Variants in RFX7 observed in about 807,000 individuals in gnomAD.
RFX7 encodes DNA-binding protein RFX7.
RFX7 carries 26 observed loss-of-function variants against 111.8 expected under a neutral mutation model. That is an observed-to-expected ratio of 0.23 (90% confidence interval 0.17 to 0.32). The LOEUF (loss-of-function observed/expected upper bound fraction) is 0.32, where lower values mean the gene tolerates loss of function less well. RFX7 is among the 10% of genes least tolerant of loss of function. The pLI, the probability that RFX7 is intolerant of heterozygous loss-of-function variation, is 1.00. For synonymous variants in RFX7, 624 were observed against 624.4 expected (o/e 1.00, Z 0.01); for missense variants, 1,573 against 1,772.9 (o/e 0.89, Z 2.02).
chr15:56,149,237 G>A (rs888112518), intron 3 of RFX7, among the ~76,000 whole-genome samples: 1 of 152,192 alleles, frequency 6.6e-6, no homozygotes, highest in South Asian at 2.1e-4. Flanking sequence ...GGTCTTCAGT[G>A]ATTTCTGCTG....
chr15:56,191,711 A>G lies in RFX7; in HGVS notation c.162-12408T>C, dbSNP rs182637297. ...TGTGGGAAAAAAAAACCAGACAGAT[A>G]GTAATTATTACGATCTGTGGAACTG... is the stretch of plus-strand genomic sequence containing the variant. On this transcript the variant is annotated intron_variant, in intron 2 of 9. Coordinates refer to ENST00000559447, the MANE Select transcript of RFX7 (RefSeq NM_022841.7). 7.8e-4 allele frequency among the ~76,000 whole-genome samples: 119 copies of G among 152,290 alleles called. 3 individuals carry two copies. Among genetic ancestry groups the G allele is most frequent in the Admixed American group, 7.3e-3 (111 of 15,302 alleles).
At chr15:56,109,192 C>G (rs1041287119) in intron 5 of RFX7, among the ~76,000 whole-genome samples, 1 of 152,226 alleles carries the variant, frequency 6.6e-6, no homozygotes, top group African/African-American at 2.4e-5. Context: ...ATTGCAGGCG[C>G]GCGCCGCCAC....
At position 56,095,530 on chromosome 15, in the gene RFX7, T is replaced by C. The variant is rs778936563; in HGVS notation, c.2198A>G (p.Asn733Ser). ...ATCACTGATAACAAGGGCAGAGGAA[T>C]TCAAGGGTTGATTTGCTCCTATGTG... is the stretch of plus-strand genomic sequence containing the variant. ...SSHIGANQPL[N>S]SSALVISDSA... The change falls in exon 10 of 10, where the codon AAT becomes AGT. Residue 733 changes from asparagine (N) to serine (S), a missense_variant. Asn to Ser is a conservative substitution (Grantham distance 46, BLOSUM62 1). Transcript: ENST00000559447. 1.2e-6 allele frequency: 2 copies of C among 1,613,608 alleles called. No individual in the cohort carries two copies. Among genetic ancestry groups the C allele is most frequent in the Non-Finnish European group, 1.7e-6 (2 of 1,179,850 alleles).
At chr15:56,207,370 A>T (rs990629666) in intron 2 of RFX7, among the ~76,000 whole-genome samples, 26 of 152,162 alleles carry the variant, frequency 1.7e-4, no homozygotes, top group Admixed American at 3.9e-4. Context: ...GGCTACAATC[A>T]ATGTGACTGT....
At chr15:56,170,447 C>T (rs1323661339) in intron 3 of RFX7, among the ~76,000 whole-genome samples, 2 of 152,044 alleles carry the variant, frequency 1.3e-5, no homozygotes, top group African/African-American at 4.8e-5. Flanking sequence ...GGGGGACATC[C>T]TGTTTTGGAG....
At chr15:56,174,851 A>G (rs545614103) in intron 3 of RFX7, among the ~76,000 whole-genome samples, 112 of 152,024 alleles carry the variant, frequency 7.4e-4, no homozygotes, top group African/African-American at 2.6e-3. Flanking sequence ...GCGTCCATGA[A>G]CAAGCTAATG....
chr15:56,130,309 C>A (rs2042195583), intron 5 of RFX7, among the ~76,000 whole-genome samples: 1 of 151,976 alleles, frequency 6.6e-6, no homozygotes, highest in African/African-American at 2.4e-5. Flanking sequence ...GAAAGTAAAT[C>A]TCAATAAAAA....
Position 56,094,919 on chromosome 15 carries a change from G to A in RFX7, c.2809C>T (p.Pro937Ser), listed in dbSNP as rs564229771. The change falls in exon 10 of 10, where the codon CCA becomes TCA. Residue 937 changes from proline to serine, a missense_variant. Physicochemically the swap from Pro to Ser is moderately conservative, Grantham distance 74. Transcript: ENST00000559447. ...SHTSSTHFYH[P>S]IHSNGTPIHT... ...ATTGGAGTGCCATTGCTGTGGATTG[G>A]ATGATAGAAGTGGGTGCTGGAAGTG... The A allele has an allele frequency of 7.6e-6, 12 of 1,586,204 alleles. No individual in the cohort carries two copies. The African/African-American group carries it at 1.5e-4, about 19-fold the overall frequency.
chr15:56,093,324 C>G lies in RFX7; in HGVS notation c.*21G>C. On this transcript the variant is annotated 3_prime_UTR_variant, in exon 10 of 10. Transcript: ENST00000559447. Reference sequence around the variant, plus strand: ...TACATATGTCTTTAGATACAGTGTGCTACATGTTATAAAACACAATTTAAC... The same window carrying G: ...TACATATGTCTTTAGATACAGTGTGGTACATGTTATAAAACACAATTTAAC... The G allele has an allele frequency of 6.3e-7, 1 of 1,577,646 alleles. No individual in the cohort carries two copies.
intron 3 of RFX7, among the ~76,000 whole-genome samples, chr15:56,149,330 C>A (rs1264721883): frequency 6.6e-6 from 1 of 152,154 alleles, no homozygotes; most frequent in Admixed American, 6.5e-5. Context: ...ATTAGCCCAT[C>A]CTGATTAATA....
At chr15:56,152,780 GA>G (rs202222182) in intron 3 of RFX7, among the ~76,000 whole-genome samples, 18,930 of 141,382 alleles carry the variant, frequency 0.13, 1,536 homozygotes, top group East Asian at 0.44. Flanking sequence ...CTGGTTTTTT[GA>G]AAAAAAAAAA....
intron 5 of RFX7, among the ~76,000 whole-genome samples, chr15:56,123,403 G>A (rs1031384650): frequency 6.6e-6 from 1 of 152,274 alleles, no homozygotes; most frequent in East Asian, 1.9e-4. Flanking sequence ...ACTCTGCCCG[G>A]TACCCTATAC....
rs557672703 is a variant in RFX7, at chr15:56,139,941, C to T, written c.401+2837G>A. On this transcript the variant is annotated intron_variant, in intron 5 of 9. Transcript: ENST00000559447. ...GTTAGGCTGCTCAGGGGTCAGGGGC[C>T]AGGGACCCACTTGAGGAGGCAGTCT... is the stretch of plus-strand genomic sequence containing the variant. 9.8e-5 allele frequency among the ~76,000 whole-genome samples: 15 copies of T among 152,334 alleles called. No homozygotes were observed. In the East Asian group the frequency reaches 2.9e-3, roughly 29 times the overall value.
In RFX7 at chr15:56,090,005, A is replaced by G. The variant is rs1471183086; in HGVS notation, c.*3340T>C. ...TCAGTTTCAAGAGTGAGGAAACTCC[A>G]TTCAAGACCCTGGTTTCATTACTTT... is the stretch of plus-strand genomic sequence containing the variant. On this transcript the variant is annotated 3_prime_UTR_variant, in exon 10 of 10. Transcript: ENST00000559447. The G allele has an allele frequency of 1.3e-5, 2 of 152,172 alleles. No individual in the cohort carries two copies. The highest frequency in any genetic ancestry group is 6.6e-5 in the Admixed American group (1 of 15,260). The allele number at this position is 152,172 out of a possible 1,614,324, so 9.4% of individuals were successfully genotyped here.
At chr15:56,128,193 AT>A (rs1438525025) in intron 5 of RFX7, among the ~76,000 whole-genome samples, 2 of 152,216 alleles carry the variant, frequency 1.3e-5, no homozygotes, top group Non-Finnish European at 2.9e-5. Context: ...TCAGTCTTTC[AT>A]AAACTCTTTG....
chr15:56,139,029 C>G lies in RFX7; in HGVS notation c.401+3749G>C, dbSNP rs1261994322. ...TCCCATTGAGGGTAACCCGACCTTTCTCTCTGGCTGCCCTTAACATTTTTT... is the reference window on the plus strand; with the variant it reads ...TCCCATTGAGGGTAACCCGACCTTTGTCTCTGGCTGCCCTTAACATTTTTT... On this transcript the variant is annotated intron_variant, in intron 5 of 9. Transcript: ENST00000559447. 1.1e-4 allele frequency among the ~76,000 whole-genome samples: 17 copies of G among 151,518 alleles called. 1 individual carries two copies. Among genetic ancestry groups the G allele is most frequent in the Non-Finnish European group, 3.0e-5 (2 of 67,632 alleles).
intron 2 of RFX7, among the ~76,000 whole-genome samples, chr15:56,188,054 A>G (rs1317674959): frequency 1.3e-5 from 2 of 152,216 alleles, no homozygotes; most frequent in East Asian, 1.9e-4. Flanking sequence ...AACATGTTCA[A>G]GTATTTAAAG....
At chr15:56,133,309 G>A (rs1285975166) in intron 5 of RFX7, among the ~76,000 whole-genome samples, 1 of 151,988 alleles carries the variant, frequency 6.6e-6, no homozygotes, top group African/African-American at 2.4e-5. Flanking sequence ...TGAAAACACA[G>A]TTAAAAGAAG....
chr15:56,226,337 T>C (rs2043483153), intron 2 of RFX7, among the ~76,000 whole-genome samples: 1 of 152,268 alleles, frequency 6.6e-6, no homozygotes, highest in South Asian at 2.1e-4. Context: ...GGGGAATTCA[T>C]GATTAATTAA....
Sources: allele counts gnomAD v4.1 joint callset (sites outside exome capture counted in the v4.1 genomes callset), GRCh38; gene constraint gnomAD v4.1.1; transcripts MANE v1.5; gene names NCBI Gene and HGNC (gene_info 2026-07-23, HGNC 2026-07-21).